Variants in MAML3 observed in about 807,000 individuals in gnomAD.
MAML3 encodes mastermind-like protein 3.
Under a neutral mutation model 101.9 loss-of-function variants are expected in MAML3, and 27 were observed. The observed-to-expected ratio is 0.27, with a 90% CI of 0.20 to 0.37. The LOEUF is 0.37. MAML3 is among the 10% of genes least tolerant of loss of function. The pLI is 1.00. For synonymous variants in MAML3, 501 were observed against 555.9 expected (o/e 0.90, Z 1.39); for missense variants, 1,316 against 1,444.9 (o/e 0.91, Z 1.45).
chr4:140,033,361 G>T (rs749162923), intron 1 of MAML3, among the ~76,000 whole-genome samples: 3 of 152,196 alleles, frequency 2.0e-5, no homozygotes, highest in East Asian at 1.9e-4. Flanking sequence ...AAACCTGAGT[G>T]GCGAGGAAAG....
chr4:139,722,438 T>G (rs370123526), intron 4 of MAML3, among the ~76,000 whole-genome samples: 1 of 152,232 alleles, frequency 6.6e-6, no homozygotes, highest in Non-Finnish European at 1.5e-5. Context: ...GATTACTACA[T>G]GTGTTAAACA....
At position 139,896,607 on chromosome 4, in the gene MAML3, G is replaced by GGTGTGTGTGTGTGTGTGTGTGTGTGT. The variant is rs113274639; in HGVS notation, c.469-5641_469-5640insACACACACACACACACACACACACAC. On this transcript the variant is annotated intron_variant, in intron 1 of 4. Transcript: ENST00000509479. The stretch of plus-strand genomic sequence containing the variant: ...CTTGATGGCTTGTTTCTGTGAAACT[G>GGTGTGTGTGTGTGTGTGTGTGTGTGT]GTGTGTGTGTGTGTGTGTGTGTGTG... Among the ~76,000 whole-genome samples, 251 of 144,742 alleles carry GGTGTGTGTGTGTGTGTGTGTGTGTGT rather than the reference G, an allele frequency of 1.7e-3. 1 individual carries two copies. The highest frequency in any genetic ancestry group is 4.4e-3 in the Admixed American group (64 of 14,492). 95.0% of individuals were successfully genotyped at this position (144,742 alleles called of 152,430 possible). A position where few individuals can be genotyped will look rare whatever the true frequency, so the allele number is the denominator to read the frequency against.
At chr4:139,954,570 A>G (rs956323860) in intron 1 of MAML3, among the ~76,000 whole-genome samples, 3 of 152,226 alleles carry the variant, frequency 2.0e-5, no homozygotes, top group African/African-American at 7.2e-5. Flanking sequence ...AGGTGAGTCC[A>G]GAGGCTGGAG....
intron 1 of MAML3, among the ~76,000 whole-genome samples, chr4:140,013,334 T>C (rs961364703): frequency 1.3e-5 from 2 of 152,194 alleles, no homozygotes; most frequent in Non-Finnish European, 2.9e-5. Context: ...TCCTCTGGAA[T>C]ATCTTCCTTA....
intron 1 of MAML3, among the ~76,000 whole-genome samples, chr4:140,145,358 TAAG>T (rs1327353735): frequency 2.0e-5 from 3 of 152,206 alleles, no homozygotes; most frequent in Non-Finnish European, 4.4e-5. Context: ...ATATTTCACT[TAAG>T]TTTTCTACAG....
At chr4:139,914,521 T>C (rs72931697) in intron 1 of MAML3, among the ~76,000 whole-genome samples, 2,527 of 152,044 alleles carry the variant, frequency 0.017, 76 homozygotes, top group African/African-American at 0.058. Flanking sequence ...ATGACCACAG[T>C]AAATCCTGTA....
At chr4:139,912,786 G>A (rs1263450646) in intron 1 of MAML3, among the ~76,000 whole-genome samples, 3 of 152,254 alleles carry the variant, frequency 2.0e-5, no homozygotes, top group Admixed American at 2.0e-4. Context: ...AAGAGTTAAG[G>A]AAGGATTCTC....
At chr4:140,125,348 G>A (rs1245026166) in intron 1 of MAML3, among the ~76,000 whole-genome samples, 1 of 152,142 alleles carries the variant, frequency 6.6e-6, no homozygotes, top group Non-Finnish European at 1.5e-5. Flanking sequence ...CAGGAGGATT[G>A]CTTGAGCCCA....
chr4:139,748,829 T>G (rs936055144), intron 2 of MAML3, among the ~76,000 whole-genome samples: 13 of 152,172 alleles, frequency 8.5e-5, no homozygotes, highest in African/African-American at 2.9e-4. Context: ...TGACCAGGTA[T>G]TTTGCCAGCG....
intron 2 of MAML3, among the ~76,000 whole-genome samples, chr4:139,764,933 G>C (rs1439391253): frequency 2.0e-5 from 3 of 152,046 alleles, no homozygotes; most frequent in African/African-American, 7.3e-5. Flanking sequence ...CCAATGCAGG[G>C]CTGGGCCTGG....
chr4:139,789,244 C>T (rs767464991), intron 2 of MAML3, among the ~76,000 whole-genome samples: 21 of 152,160 alleles, frequency 1.4e-4, no homozygotes, highest in African/African-American at 1.9e-4. Context: ...CTGATAATAA[C>T]ACAGGCAGAA....
intron 1 of MAML3, among the ~76,000 whole-genome samples, chr4:140,064,991 A>T (rs762444494): frequency 6.6e-6 from 1 of 152,214 alleles, no homozygotes; most frequent in East Asian, 1.9e-4. Context: ...TCACTCAATT[A>T]CTCTTTAAAT....
At chr4:139,830,299 G>A (rs2111132664) in intron 2 of MAML3, among the ~76,000 whole-genome samples, 1 of 152,144 alleles carries the variant, frequency 6.6e-6, no homozygotes, top group East Asian at 1.9e-4. Context: ...GTACATCCTG[G>A]CTATATCAGA....
At chr4:140,010,428 T>C (rs1259092343) in intron 1 of MAML3, among the ~76,000 whole-genome samples, 1 of 152,230 alleles carries the variant, frequency 6.6e-6, no homozygotes, top group Admixed American at 6.5e-5. Context: ...TATGTAACTA[T>C]ATGTATATTT....
intron 3 of MAML3, 98 bp from the exon 4 acceptor site, chr4:139,725,933 A>G: frequency 1.0e-6 from 1 of 966,686 alleles, no homozygotes; most frequent in Non-Finnish European, 1.6e-6. Context: ...TGTTTTCCCC[A>G]AAACTAAACT....
At chr4:139,865,496 GTTTTTTTTT>G (rs1175520994) in intron 2 of MAML3, among the ~76,000 whole-genome samples, 3 of 122,626 alleles carry the variant, frequency 2.4e-5, no homozygotes, top group Non-Finnish European at 5.4e-5. Context: ...TTTTTTTTTT[GTTTTTTTTT>G]TTTTTCATTC....
chr4:140,025,627 G>A (rs937670175), intron 1 of MAML3, among the ~76,000 whole-genome samples: 2 of 152,062 alleles, frequency 1.3e-5, no homozygotes, highest in African/African-American at 4.8e-5. Context: ...AAGAGCATAG[G>A]GCAACCTGGA....
chr4:140,091,366 T>C (rs1414849836), intron 1 of MAML3, among the ~76,000 whole-genome samples: 1 of 152,056 alleles, frequency 6.6e-6, no homozygotes. Context: ...ACCTTTTCTT[T>C]AAATCATTTT....
chr4:140,122,066 C>T (rs1185395004), intron 1 of MAML3, among the ~76,000 whole-genome samples: 1 of 152,140 alleles, frequency 6.6e-6, no homozygotes, highest in Non-Finnish European at 1.5e-5. Context: ...GCCTCCCCAG[C>T]CATTTGGAAC....
Sources: allele counts gnomAD v4.1 joint callset (sites outside exome capture counted in the v4.1 genomes callset), GRCh38; gene constraint gnomAD v4.1.1; transcripts MANE v1.5; gene names NCBI Gene and HGNC (gene_info 2026-07-23, HGNC 2026-07-21).